Variants in STAT5B observed in about 807,000 individuals in gnomAD.
STAT5B encodes the protein transcription factor STAT5B.
A neutral mutation model predicts 107.8 loss-of-function variants in STAT5B; 21 were observed. That is an observed-to-expected ratio of 0.19 (90% CI 0.14 to 0.28). The LOEUF (loss-of-function observed/expected upper bound fraction) is 0.28, where lower values mean the gene tolerates loss of function less well. Ranked by LOEUF, STAT5B falls within the 10% of genes least tolerant of loss-of-function variation. STAT5B has a pLI of 1.00. For missense variants in STAT5B, 565 were observed against 1,008.2 expected (o/e 0.56, Z 5.95); for synonymous variants, 325 against 401.7 (o/e 0.81, Z 2.28).
chr17:42,236,352 T>G (rs1378952934), intron 1 of STAT5B, among the ~76,000 whole-genome samples: 1 of 152,218 alleles, frequency 6.6e-6, no homozygotes, highest in Non-Finnish European at 1.5e-5. Context: ...TTACTGAGAT[T>G]ATCATTATAA....
chr17:42,217,286 C>G lies in STAT5B; in HGVS notation c.1258-4G>C. 6.2e-7 allele frequency: 1 copy of G among 1,614,140 alleles called. No individual in the cohort carries two copies. The highest frequency in any genetic ancestry group is 8.5e-7 in the Non-Finnish European group (1 of 1,180,038). ...ACCTCTTAATTCGTTTCAGGGACTACAAAGAAGAAACATAAGATGAAACGT... is the reference window on the plus strand; with the variant it reads ...ACCTCTTAATTCGTTTCAGGGACTAGAAAGAAGAAACATAAGATGAAACGT... On this transcript the variant is annotated splice_region_variant and splice_polypyrimidine_tract_variant and intron_variant, in intron 10 of 18. Transcript: ENST00000293328.
intron 1 of STAT5B, among the ~76,000 whole-genome samples, chr17:42,240,282 A>C (rs2080391330): frequency 6.6e-6 from 1 of 152,270 alleles, no homozygotes; most frequent in South Asian, 2.1e-4. Context: ...AGGAATGGAT[A>C]AATACAATGA....
chr17:42,255,830 C>T (rs1396260313), intron 1 of STAT5B, among the ~76,000 whole-genome samples: 1 of 152,208 alleles, frequency 6.6e-6, no homozygotes, highest in African/African-American at 2.4e-5. Context: ...GCGGCTCGCG[C>T]CTGTAATCCC....
rs2080135546 is a variant in STAT5B at position 42,212,233 on chromosome 17, A to G, written c.1474-43T>C. On this transcript the variant is annotated intron_variant, in intron 12 of 18. Transcript: ENST00000293328. ...CAGAATCTGATGAGAAAACAGTTGC[A>G]TGATTTATTCCCTCAAGCCACAAAA... is the stretch of plus-strand genomic sequence containing the variant. The G allele has an allele frequency of 1.9e-6, 3 of 1,613,884 alleles. No homozygotes were observed. The African/African-American group carries it at 4.0e-5, about 22-fold the overall frequency.
At chr17:42,210,700 A>G in intron 13 of STAT5B, 1 of 569,396 alleles carries the variant, frequency 1.8e-6, no homozygotes. Flanking sequence ...AACTGCAGTT[A>G]CCAGCACCCA....
chr17:42,254,265 A>G (rs538339452), intron 1 of STAT5B, among the ~76,000 whole-genome samples: 1 of 152,280 alleles, frequency 6.6e-6, no homozygotes, highest in East Asian at 1.9e-4. Flanking sequence ...CTGTAATCCT[A>G]GCTACTCAGA....
At chr17:42,278,390 C>A (rs2080780895), upstream of STAT5B, among the ~76,000 whole-genome samples, 1 of 152,202 alleles carries the variant, frequency 6.6e-6, no homozygotes, top group Non-Finnish European at 1.5e-5. Context: ...ATGGAGGTTA[C>A]AAGGACTATG....
chr17:42,210,490 A>G lies in STAT5B; in HGVS notation c.1688T>C (p.Leu563Ser). ...VSWSQFNREN[L>S]PGRNYTFWQW... ...CCAGAAAGTGTAATTCCGTCCTGGT[A>G]AATTCTCCTGGTTGGAGATACAACA... The change falls in exon 14 of 19, where the codon TTA (leucine) becomes TCA (serine). Residue 563 changes from leucine (L) to serine (S), a missense_variant. Leu to Ser is a moderately radical substitution (Grantham distance 145). This residue lies in a region of STAT5B where 127 missense variants were observed against 215.8 expected (regional missense o/e 0.59). Coordinates refer to ENST00000293328, the MANE Select transcript of STAT5B (RefSeq NM_012448.4). 1 of 1,614,108 alleles carries G rather than the reference A, an allele frequency of 6.2e-7. No homozygotes were observed. The highest frequency in any genetic ancestry group is 8.5e-7 in the Non-Finnish European group (1 of 1,179,936).
At chr17:42,221,243 C>A (rs1392273111) in intron 5 of STAT5B, among the ~76,000 whole-genome samples, 1 of 152,196 alleles carries the variant, frequency 6.6e-6, no homozygotes, top group African/African-American at 2.4e-5. Context: ...ATCTGCACGG[C>A]TACCTCAGGA....
chr17:42,217,530 T>A, intron 9 of STAT5B, 66 bp from the exon 10 acceptor site: 1 of 1,579,482 alleles, frequency 6.3e-7, no homozygotes, highest in East Asian at 2.2e-5. Context: ...GAGTAAATAA[T>A]ATAATTTGGG....
upstream of STAT5B, among the ~76,000 whole-genome samples, chr17:42,278,823 A>G (rs1426379809): frequency 3.9e-5 from 6 of 152,010 alleles, no homozygotes; most frequent in Non-Finnish European, 8.8e-5. Context: ...TACTAAAAAT[A>G]CAAAAATTAG....
intron 13 of STAT5B, 24 bp downstream of exon 13, chr17:42,211,960 G>T (rs2080133034): frequency 4.4e-6 from 7 of 1,592,462 alleles, no homozygotes; most frequent in African/African-American, 1.3e-5. Flanking sequence ...TGATCTAACA[G>T]CGGCTGGCAG....
the STAT5B span, among the ~76,000 whole-genome samples, chr17:42,285,164 A>G: frequency 1.3e-5 from 2 of 150,242 alleles, no homozygotes; most frequent in Admixed American, 6.7e-5. Flanking sequence ...ATCTCGGCTC[A>G]CTGCAACCTC....
At chr17:42,281,243 A>G (rs948484960), upstream of STAT5B, among the ~76,000 whole-genome samples, 3 of 152,138 alleles carry the variant, frequency 2.0e-5, no homozygotes, top group African/African-American at 4.8e-5. Context: ...AATCATAGTT[A>G]GGGGGTAGAG....
the STAT5B span, among the ~76,000 whole-genome samples, chr17:42,286,110 G>A: frequency 1.3e-5 from 2 of 151,912 alleles, no homozygotes; most frequent in Non-Finnish European, 2.9e-5. Context: ...GCACATGCCT[G>A]TAATCCCAGC....
chr17:42,229,340 G>A (rs2080299720), intron 2 of STAT5B, among the ~76,000 whole-genome samples: 1 of 151,514 alleles, frequency 6.6e-6, no homozygotes, highest in Non-Finnish European at 1.5e-5. Flanking sequence ...AATAGAGACG[G>A]GGTTTTACCA....
intron 16 of STAT5B, among the ~76,000 whole-genome samples, chr17:42,204,999 T>C (rs2080074521): frequency 6.6e-6 from 1 of 152,208 alleles, no homozygotes. Context: ...GTTGGAAGAT[T>C]ACATTTACTG....
Position 42,217,299 on chromosome 17 carries a change from T to G in STAT5B, c.1258-17A>C. On this transcript the variant is annotated splice_polypyrimidine_tract_variant and intron_variant, in intron 10 of 18. Coordinates refer to ENST00000293328, the MANE Select transcript of STAT5B (RefSeq NM_012448.4). ...TTTCAGGGACTACAAAGAAGAAACATAAGATGAAACGTAAGATATAAGTTG... is the reference window on the plus strand; with the variant it reads ...TTTCAGGGACTACAAAGAAGAAACAGAAGATGAAACGTAAGATATAAGTTG... The G allele has an allele frequency of 6.2e-7, 1 of 1,614,156 alleles. No individual in the cohort carries two copies. The highest frequency in any genetic ancestry group is 8.5e-7 in the Non-Finnish European group (1 of 1,180,020).
chr17:42,242,811 T>C (rs2080415489), intron 1 of STAT5B, among the ~76,000 whole-genome samples: 2 of 152,248 alleles, frequency 1.3e-5, no homozygotes, highest in South Asian at 4.2e-4. Context: ...CTACTAAAAA[T>C]ACAAAAATTG....
Sources: gnomAD v4.1 joint callset for allele counts (sites outside exome capture counted in the v4.1 genomes callset) on GRCh38, gnomAD v4.1.1 for gene constraint, gnomAD v4.1.1 regional missense constraint, MANE v1.5 for transcripts, NCBI Gene and HGNC (gene_info 2026-07-23, HGNC 2026-07-21) for gene names.